The following GPC1 variants were observed in gnomAD, a reference collection of about 807,000 sequenced individuals.
GPC1 encodes glypican-1.
Under a neutral mutation model 51.5 loss-of-function variants are expected in GPC1, and 26 were observed. The observed-to-expected ratio is 0.50, with a 90% CI of 0.37 to 0.70. GPC1 has a LOEUF of 0.70. Among genes scored for constraint, GPC1 ranks in the 30% least tolerant of loss-of-function variants. GPC1 has a pLI of 0.00. For synonymous variants in GPC1, 380 were observed against 348.3 expected, an observed-to-expected ratio of 1.09 and a Z score of -1.01; for missense variants, 775 against 800.5, an observed-to-expected ratio of 0.97 and a Z score of 0.38.
In GPC1 at chr2:240,464,927, C is replaced by T; in HGVS notation, c.1086C>T (p.Gly362=). Residue 362 remains glycine (G), a synonymous_variant, in exon 6 of 9, where the codon GGC becomes GGT. Transcript: ENST00000264039. ...GPGPEEKRRR[G]KLAPRERPPS... ...GGCCTGAGGAGAAGCGGCGCCGGGG[C>T]AAGCTGGCCCCGCGGGAGAGGCCAC... The T allele has an allele frequency of 6.4e-7, 1 of 1,551,550 alleles. No homozygotes were observed. Among genetic ancestry groups the T allele is most frequent in the Non-Finnish European group, 8.7e-7 (1 of 1,147,746 alleles).
At chr2:240,460,397 C>T (rs532127926) in intron 2 of GPC1, among the ~76,000 whole-genome samples, 5 of 152,124 alleles carry the variant, frequency 3.3e-5, no homozygotes, top group South Asian at 4.1e-4. Context: ...TGTAGGGACC[C>T]GGCTCACCTC....
intron 6 of GPC1, 22 bp downstream of exon 6, chr2:240,464,997 A>G (rs1348915529): frequency 1.3e-6 from 2 of 1,565,570 alleles, no homozygotes; most frequent in Admixed American, 3.8e-5. Context: ...CTGCGTGTCC[A>G]CTGGACCAGG....
Position 240,441,317 on chromosome 2 carries a change from C to T in GPC1, c.166+5233C>T, listed in dbSNP as rs554138312. Among the ~76,000 whole-genome samples the T allele has an allele frequency of 5.9e-5, 9 of 152,368 alleles. No individual in the cohort carries two copies. In the East Asian group the frequency reaches 7.7e-4, roughly 13 times the overall value. On this transcript the variant is annotated intron_variant, in intron 1 of 8. Coordinates refer to ENST00000264039, the MANE Select transcript of GPC1 (RefSeq NM_002081.3). The stretch of plus-strand genomic sequence containing the variant: ...CCATGGGCTGGCACTAGACAGGAGA[C>T]GAGCCAGGGGAGGGGCTCACCCGAA...
Position 240,462,581 on chromosome 2 carries a change from A to G in GPC1, c.716A>G (p.Gln239Arg), listed in dbSNP as rs746740324. 6.6e-7 allele frequency: 1 copy of G among 1,516,164 alleles called. No homozygotes were observed. Among genetic ancestry groups the G allele is most frequent in the Non-Finnish European group, 8.8e-7 (1 of 1,136,556 alleles). The allele number at this position is 1,516,164 out of a possible 1,614,324, so 93.9% of individuals were successfully genotyped here. ...AGCGACGTGGTCCGGAAAGTGGCTC[A>G]GGTGCGCACAGCCACCCAGGGCTCT... ...VASDVVRKVAQVPLGPECSRA... is the reference protein window; with the variant it reads ...VASDVVRKVARVPLGPECSRA... The change falls in exon 3 of 9, where the codon CAG becomes CGG. Residue 239 changes from glutamine to arginine, a missense_variant and splice_region_variant. Physicochemically the swap from Gln to Arg is conservative, Grantham distance 43. Coordinates refer to ENST00000264039, the MANE Select transcript of GPC1 (RefSeq NM_002081.3).
intron 1 of GPC1, chr2:240,456,011 G>A (rs950715248): frequency 3.2e-5 from 14 of 431,396 alleles, no homozygotes; most frequent in South Asian, 2.1e-4. Context: ...GCCGGCGCCC[G>A]AGCTCTGGCT....
chr2:240,441,677 C>T (rs1299418916), intron 1 of GPC1, among the ~76,000 whole-genome samples: 2 of 152,356 alleles, frequency 1.3e-5, no homozygotes, highest in Non-Finnish European at 1.5e-5. Context: ...TCCTCGCTGC[C>T]GTGCCTGTGG....
chr2:240,436,194 G>A (rs1574752305), intron 1 of GPC1, 110 bp downstream of exon 1: 5 of 712,104 alleles, frequency 7.0e-6, no homozygotes, highest in Middle Eastern at 4.5e-4. Flanking sequence ...TGCCGCCTGC[G>A]CCCCGCCGCC....
At position 240,436,212 on chromosome 2, in the gene GPC1, C is replaced by G. The variant is rs955435439; in HGVS notation, c.166+128C>G. ...CGCCTGCGCCCCGCCGCCCGGGCCC[C>G]GAATGGCTCCCTGCGCTGCGGCTCC... On this transcript the variant is annotated intron_variant, in intron 1 of 8. Coordinates refer to ENST00000264039, the MANE Select transcript of GPC1 (RefSeq NM_002081.3). 6 of 550,216 alleles carry G rather than the reference C, an allele frequency of 1.1e-5. No homozygotes were observed. In the East Asian group the frequency reaches 2.2e-4, roughly 20 times the overall value. 34.1% of individuals were successfully genotyped at this position (550,216 alleles called of 1,614,324 possible). A position where few individuals can be genotyped will look rare whatever the true frequency, so the allele number is the denominator to read the frequency against.
intron 1 of GPC1, among the ~76,000 whole-genome samples, chr2:240,444,485 G>A (rs1309051031): frequency 6.6e-6 from 1 of 152,184 alleles, no homozygotes; most frequent in African/African-American, 2.4e-5. Flanking sequence ...CCGATGCTCT[G>A]AGGCCCAGAA....
At chr2:240,454,437 C>T (rs908276149) in intron 1 of GPC1, among the ~76,000 whole-genome samples, 7 of 152,190 alleles carry the variant, frequency 4.6e-5, no homozygotes, top group Admixed American at 6.5e-5. Flanking sequence ...GGGCCAGGGG[C>T]TGGGGCAGGC....
At chr2:240,464,475 G>C in intron 4 of GPC1, 141 bp from the exon 5 acceptor site, 2 of 1,139,840 alleles carry the variant, frequency 1.8e-6, no homozygotes, top group Non-Finnish European at 2.6e-6. Context: ...GCCAACCTGA[G>C]TGCACACGTG....
At chr2:240,440,436 G>T (rs867582951) in intron 1 of GPC1, among the ~76,000 whole-genome samples, 1 of 152,206 alleles carries the variant, frequency 6.6e-6, no homozygotes, top group Non-Finnish European at 1.5e-5. Flanking sequence ...CTTGTCCCAG[G>T]CTCTGCACTT....
In GPC1 at chr2:240,466,266, A is replaced by G; in HGVS notation, c.1653A>G (p.Thr551=). 3 of 1,605,902 alleles carry G rather than the reference A, an allele frequency of 1.9e-6. No individual in the cohort carries two copies. In the African/African-American group the frequency reaches 4.0e-5, roughly 21 times the overall value. ...LLPLLLFLAL[T]VARPRWR is the part of the protein sequence containing the mutation. ...CCCTCCTCCTCTTCCTGGCCCTTAC[A>G]GTAGCCAGGCCCCGGTGGCGGTAAC... Residue 551 remains threonine (T), a synonymous_variant, in exon 9 of 9, where the codon ACA becomes ACG. Transcript: ENST00000264039.
At chr2:240,458,933 C>A (rs922589964) in intron 1 of GPC1, 97 bp from the exon 2 acceptor site, 10 of 1,180,004 alleles carry the variant, frequency 8.5e-6, no homozygotes, top group Non-Finnish European at 1.2e-5. Flanking sequence ...TGTGCTCCAC[C>A]CTGGGTCTGC....
At chr2:240,451,928 G>C (rs1380962172) in intron 1 of GPC1, 1 of 152,796 alleles carries the variant, frequency 6.5e-6, no homozygotes, top group African/African-American at 2.4e-5. Context: ...GCAGTCTTAT[G>C]AGTTGCCTGG....
chr2:240,464,000 T>G (rs77078946), intron 4 of GPC1: 18,484 of 208,154 alleles, frequency 0.089, 958 homozygotes, highest in Non-Finnish European at 0.11. Flanking sequence ...ACGTGTGTGG[T>G]AATATGTACA....
Position 240,458,616 on chromosome 2 carries a change from G to A in GPC1, c.167-414G>A, listed in dbSNP as rs76426363. 8.2e-3 allele frequency: 1,492 copies of A among 182,216 alleles called. 22 individuals carry two copies. The highest frequency in any genetic ancestry group is 0.031 in the African/African-American group (1,337 of 42,618). The allele number at this position is 182,216 out of a possible 1,614,324, so 11.3% of individuals were successfully genotyped here. Reference sequence around the variant, plus strand: ...CCCCAGGGCTGGTGTGGGAAGAGAGGGGGATTGGATTCCTTCCTCCTTCCC... The same window carrying A: ...CCCCAGGGCTGGTGTGGGAAGAGAGAGGGATTGGATTCCTTCCTCCTTCCC... On this transcript the variant is annotated intron_variant, in intron 1 of 8. Transcript: ENST00000264039.
intron 1 of GPC1, among the ~76,000 whole-genome samples, chr2:240,436,818 G>T (rs1217837017): frequency 2.6e-5 from 4 of 152,252 alleles, no homozygotes; most frequent in South Asian, 2.1e-4. Context: ...GGTGGTCGGC[G>T]CGTTGGATCC....
chr2:240,462,657 C>T (rs990022843), intron 3 of GPC1, 75 bp downstream of exon 3: 20 of 1,349,210 alleles, frequency 1.5e-5, no homozygotes, highest in Non-Finnish European at 1.9e-5. Flanking sequence ...TCCTCTTCCC[C>T]CTACTTTAAC....
Sources: allele counts gnomAD v4.1 joint callset (sites outside exome capture counted in the v4.1 genomes callset), GRCh38; gene constraint gnomAD v4.1.1; transcripts MANE v1.5; gene names NCBI Gene and HGNC (gene_info 2026-07-23, HGNC 2026-07-21).